Variants in GLCCI1 observed in about 807,000 individuals in gnomAD.
GLCCI1 encodes the protein glucocorticoid induced 1, also known as glucocorticoid-induced transcript 1 protein.
Under a neutral mutation model 52.2 loss-of-function variants are expected in GLCCI1, and 24 were observed. That is an observed-to-expected ratio of 0.46 (90% CI 0.33 to 0.65). The LOEUF is 0.65. GLCCI1 is among the 30% of genes least tolerant of loss of function. GLCCI1 has a pLI of 0.02. For missense variants in GLCCI1, 704 were observed against 701.5 expected (o/e 1.00, Z -0.04); for synonymous variants, 310 against 276.5 (o/e 1.12, Z -1.20).
chr7:8,049,972 CAAA>C (rs1782221282), intron 3 of GLCCI1, among the ~76,000 whole-genome samples: 1 of 152,066 alleles, frequency 6.6e-6, no homozygotes, highest in African/African-American at 2.4e-5. Context: ...TGTCTCTTGA[CAAA>C]TATGGTTTAT....
intron 6 of GLCCI1, among the ~76,000 whole-genome samples, chr7:8,081,729 T>C (rs1390596776): frequency 6.6e-6 from 1 of 152,222 alleles, no homozygotes; most frequent in Non-Finnish European, 1.5e-5. Flanking sequence ...TTTATTATCA[T>C]ATGTTTAAAA....
intron 3 of GLCCI1, among the ~76,000 whole-genome samples, chr7:8,042,454 G>T (rs1216838598): frequency 6.6e-6 from 1 of 152,214 alleles, no homozygotes; most frequent in African/African-American, 2.4e-5. Flanking sequence ...ACTTTGAGGG[G>T]TTCAAGACTA....
intron 5 of GLCCI1, among the ~76,000 whole-genome samples, chr7:8,067,460 A>G (rs1782655715): frequency 6.6e-6 from 1 of 152,170 alleles, no homozygotes; most frequent in African/African-American, 2.4e-5. Flanking sequence ...TAGTTGCTTT[A>G]TAGTGTCACT....
chr7:8,006,420 C>T (rs1781151291), intron 2 of GLCCI1, among the ~76,000 whole-genome samples: 1 of 152,158 alleles, frequency 6.6e-6, no homozygotes, highest in East Asian at 1.9e-4. Context: ...ATGTTTCTTA[C>T]ACATGTCTGA....
intron 2 of GLCCI1, among the ~76,000 whole-genome samples, chr7:8,005,901 T>G (rs1172028589): frequency 6.6e-6 from 1 of 152,026 alleles, no homozygotes; most frequent in Non-Finnish European, 1.5e-5. Flanking sequence ...CAGGTTCAAG[T>G]GATTCTCCTG....
At chr7:8,060,000 G>T (rs751275094) in intron 4 of GLCCI1, 96 bp from the exon 5 acceptor site, 1 of 1,033,574 alleles carries the variant, frequency 9.7e-7, no homozygotes. Context: ...AAATAACTCC[G>T]TTCATTGAGT....
chr7:7,991,423 A>T (rs1562419288), intron 1 of GLCCI1, among the ~76,000 whole-genome samples: 2 of 152,040 alleles, frequency 1.3e-5, no homozygotes, highest in Non-Finnish European at 2.9e-5. Context: ...CCAAGGAAGG[A>T]TGTTACTTTT....
At chr7:8,033,613 T>A (rs1335945581) in intron 3 of GLCCI1, among the ~76,000 whole-genome samples, 1 of 152,062 alleles carries the variant, frequency 6.6e-6, no homozygotes, top group Admixed American at 6.5e-5. Context: ...CTATGAATAA[T>A]TAAAAAATAA....
At position 8,023,588 on chromosome 7, in the gene GLCCI1, C is replaced by CATTTTTTTTTTT. The variant is rs1781543370; in HGVS notation, c.696+1019_696+1020insATTTTTTTTTTT. ...AGATGGTCATCTAATCTCTGTTATTCTTTTTTTTTTTTTTTTTTTTTTTTT... is the reference window on the plus strand; with the variant it reads ...AGATGGTCATCTAATCTCTGTTATTCATTTTTTTTTTTTTTTTTTTTTTTTTTTTTTTTTTTT... On this transcript the variant is annotated intron_variant, in intron 3 of 7. Transcript: ENST00000223145. Among the ~76,000 whole-genome samples the CATTTTTTTTTTT allele has an allele frequency of 1.2e-4, 5 of 41,984 alleles. 1 individual carries two copies. Among genetic ancestry groups the CATTTTTTTTTTT allele is most frequent in the African/African-American group, 5.1e-4 (5 of 9,796 alleles). 27.5% of individuals were successfully genotyped at this position (41,984 alleles called of 152,430 possible). A position where few individuals can be genotyped will look rare whatever the true frequency, so the allele number is the denominator to read the frequency against.
intron 5 of GLCCI1, among the ~76,000 whole-genome samples, chr7:8,069,731 C>G (rs1782712552): frequency 6.6e-6 from 1 of 152,168 alleles, no homozygotes. Context: ...AGATTTCGGC[C>G]TTCACTTGTT....
At chr7:8,083,389 TTTG>T (rs1783038355) in intron 6 of GLCCI1, among the ~76,000 whole-genome samples, 1 of 152,146 alleles carries the variant, frequency 6.6e-6, no homozygotes, top group South Asian at 2.1e-4. Flanking sequence ...TGTTTGTTTG[TTTG>T]TTTTTATTCA....
At chr7:8,016,277 G>A (rs527974286) in intron 2 of GLCCI1, among the ~76,000 whole-genome samples, 1 of 152,284 alleles carries the variant, frequency 6.6e-6, no homozygotes, top group African/African-American at 2.4e-5. Context: ...AGATCATCCT[G>A]GCTAACATGG....
intron 3 of GLCCI1, among the ~76,000 whole-genome samples, chr7:8,047,101 TTAC>T (rs1782148081): frequency 2.6e-5 from 4 of 152,264 alleles, no homozygotes; most frequent in Middle Eastern, 3.4e-3. Flanking sequence ...GAAAAGCATA[TTAC>T]TTACAAAGAA....
At chr7:8,015,854 A>C (rs1431562813) in intron 2 of GLCCI1, among the ~76,000 whole-genome samples, 2 of 152,206 alleles carry the variant, frequency 1.3e-5, no homozygotes, top group Non-Finnish European at 2.9e-5. Flanking sequence ...GGCCTTTCCC[A>C]TACCCCCGTT....
At chr7:8,058,606 A>C (rs150486441) in intron 4 of GLCCI1, among the ~76,000 whole-genome samples, 4 of 152,330 alleles carry the variant, frequency 2.6e-5, no homozygotes, top group African/African-American at 9.6e-5. Context: ...TGTGGGGGAA[A>C]TAATACTGAG....
At chr7:8,069,539 C>T (rs537446746) in intron 5 of GLCCI1, among the ~76,000 whole-genome samples, 34 of 152,148 alleles carry the variant, frequency 2.2e-4, no homozygotes, top group Middle Eastern at 3.4e-3. Flanking sequence ...TGGCCTGAGC[C>T]GGGAGCCCCA....
chr7:8,045,931 A>T (rs753977240), intron 3 of GLCCI1, among the ~76,000 whole-genome samples: 1 of 150,994 alleles, frequency 6.6e-6, no homozygotes, highest in African/African-American at 2.4e-5. Flanking sequence ...CCTCATTTAC[A>T]TCTGAGGAAA....
At chr7:8,069,739 G>A (rs1782712940) in intron 5 of GLCCI1, among the ~76,000 whole-genome samples, 1 of 152,166 alleles carries the variant, frequency 6.6e-6, no homozygotes, top group South Asian at 2.1e-4. Flanking sequence ...GCCTTCACTT[G>A]TTTGGTATAG....
At chr7:8,085,795 A>C (rs746689581) in intron 7 of GLCCI1, among the ~76,000 whole-genome samples, 14 of 152,208 alleles carry the variant, frequency 9.2e-5, no homozygotes, top group Non-Finnish European at 1.9e-4. Context: ...GAAAGAAAAA[A>C]GGAGAAAGTG....
Sources: gnomAD v4.1 joint callset for allele counts (sites outside exome capture counted in the v4.1 genomes callset) on GRCh38, gnomAD v4.1.1 for gene constraint, MANE v1.5 for transcripts, NCBI Gene and HGNC (gene_info 2026-07-23, HGNC 2026-07-21) for gene names.